FAM120B: variants seen among roughly 807,000 people sequenced by gnomAD.
FAM120B encodes constitutive coactivator of peroxisome proliferator-activated receptor gamma.
FAM120B carries 83 observed loss-of-function variants against 96.3 expected under a neutral mutation model. The ratio of observed to expected loss-of-function variants is 0.86; its 90% CI spans 0.72 to 1.03. FAM120B has a LOEUF of 1.03. Among genes scored for constraint, FAM120B ranks in the 50% least tolerant of loss-of-function variants. The pLI is 0.00. For synonymous variants in FAM120B, 407 were observed against 402.7 expected (o/e 1.01, Z -0.13); for missense variants, 1,027 against 1,121.2 (o/e 0.92, Z 1.20).
At chr6:170,381,510 A>T (rs1789899019) in intron 6 of FAM120B, among the ~76,000 whole-genome samples, 1 of 152,078 alleles carries the variant, frequency 6.6e-6, no homozygotes, top group African/African-American at 2.4e-5. Flanking sequence ...AAGAAGATAG[A>T]CCATTCCCCA....
chr6:170,341,610 A>G (rs1403596717), intron 4 of FAM120B, among the ~76,000 whole-genome samples: 1 of 152,072 alleles, frequency 6.6e-6, no homozygotes, highest in Non-Finnish European at 1.5e-5. Flanking sequence ...CTTGAAACCC[A>G]GGGCCCTGGT....
At chr6:170,343,041 T>C in intron 4 of FAM120B, among the ~76,000 whole-genome samples, 1 of 152,218 alleles carries the variant, frequency 6.6e-6, no homozygotes, top group East Asian at 1.9e-4. Context: ...AATTACTTAT[T>C]AACAATTCTC....
intron 4 of FAM120B, among the ~76,000 whole-genome samples, chr6:170,333,237 G>A (rs1487676730): frequency 6.6e-6 from 1 of 150,550 alleles, no homozygotes; most frequent in Admixed American, 6.6e-5. Context: ...GGGGCCTTTG[G>A]GAGGGAAAGA....
chr6:170,308,930 A>G (rs572577446), intron 1 of FAM120B, among the ~76,000 whole-genome samples: 12 of 152,358 alleles, frequency 7.9e-5, no homozygotes, highest in Admixed American at 2.6e-4. Flanking sequence ...TTAGTAACTC[A>G]GCATGTTGGA....
At chr6:170,291,109 C>T (rs1242045016), upstream of FAM120B, 4 of 495,582 alleles carry the variant, frequency 8.1e-6, no homozygotes, top group Non-Finnish European at 1.6e-5. Context: ...CTCCTCCCCG[C>T]CCCCACCCTT....
rs866872505 is a variant in FAM120B, at chr6:170,361,235, T to C, written c.2283+2917T>C. ...ATATATATATATATATATATATATA[T>C]ACACGTATATATATATATACGTGTA... On this transcript the variant is annotated intron_variant, in intron 6 of 10. Coordinates refer to ENST00000476287, the MANE Select transcript of FAM120B (RefSeq NM_032448.3). Among the ~76,000 whole-genome samples the C allele has an allele frequency of 1.9e-3, 169 of 90,014 alleles. 2 individuals are homozygous for C. Among genetic ancestry groups the C allele is most frequent in the Middle Eastern group, 5.7e-3 (1 of 174 alleles). The allele number at this position is 90,014 out of a possible 152,430, so 59.1% of individuals were successfully genotyped here.
chr6:170,379,033 T>A (rs1789749103), intron 6 of FAM120B, among the ~76,000 whole-genome samples: 1 of 152,184 alleles, frequency 6.6e-6, no homozygotes, highest in Non-Finnish European at 1.5e-5. Context: ...CTCTGGCGTT[T>A]ATGCTGAGGG....
At chr6:170,294,944 T>A (rs1362664883), upstream of FAM120B, among the ~76,000 whole-genome samples, 1 of 152,180 alleles carries the variant, frequency 6.6e-6, no homozygotes, top group Non-Finnish European at 1.5e-5. This position sits in a 1 kb window ranked among gnomAD's most constrained non-coding sequence, Gnocchi z 7.9. Context: ...GCAGCAAATC[T>A]GGTGTTGATC....
chr6:170,369,426 T>C (rs1296285102), intron 6 of FAM120B, among the ~76,000 whole-genome samples: 1 of 152,206 alleles, frequency 6.6e-6, no homozygotes, highest in Non-Finnish European at 1.5e-5. Context: ...TTGTAGTAGG[T>C]GTCTCCTGCT....
chr6:170,297,778 ATGT>A (rs1292027192), intron 1 of FAM120B: 1 of 152,162 alleles, frequency 6.6e-6, no homozygotes, highest in African/African-American at 2.4e-5. Context: ...GGCTCCCCAA[ATGT>A]TGTGCAAACA....
At chr6:170,388,110 G>T (rs1477827294) in intron 6 of FAM120B, among the ~76,000 whole-genome samples, 177 bp from the exon 7 acceptor site, 1 of 152,182 alleles carries the variant, frequency 6.6e-6, no homozygotes, top group Non-Finnish European at 1.5e-5. Context: ...TTGTTTCCAA[G>T]GCCTCTGTAA....
intron 3 of FAM120B, among the ~76,000 whole-genome samples, chr6:170,330,179 T>G (rs143151860): frequency 1.3e-5 from 2 of 152,350 alleles, no homozygotes; most frequent in Non-Finnish European, 2.9e-5. Flanking sequence ...ATTAACATGG[T>G]AAACTCTCTC....
In FAM120B at chr6:170,317,381, G is replaced by A; in HGVS notation, c.-10G>A. 1 of 1,595,646 alleles carries A rather than the reference G, an allele frequency of 6.3e-7. No individual in the cohort carries two copies. Among genetic ancestry groups the A allele is most frequent in the South Asian group, 1.1e-5 (1 of 90,056 alleles). ...ATCTTTCTTTCCAGATCCTTTCCCG[G>A]AGTTCAGTTATGGGTGTGAGAGGTT... On this transcript the variant is annotated 5_prime_UTR_variant, in exon 2 of 11. Coordinates refer to ENST00000476287, the MANE Select transcript of FAM120B (RefSeq NM_032448.3).
At chr6:170,386,330 C>CTTT (rs1308851898) in intron 6 of FAM120B, among the ~76,000 whole-genome samples, 105 of 152,138 alleles carry the variant, frequency 6.9e-4, no homozygotes, top group Non-Finnish European at 1.4e-3. Context: ...AACTGATAAA[C>CTTT]CTGTTACTAA....
chr6:170,325,902 A>G (rs552419839), intron 3 of FAM120B, among the ~76,000 whole-genome samples: 7 of 152,078 alleles, frequency 4.6e-5, no homozygotes, highest in Non-Finnish European at 7.4e-5. Flanking sequence ...GATTGGTGCA[A>G]AAATAATTGC....
At chr6:170,401,233 C>G (rs537967808) in intron 9 of FAM120B, among the ~76,000 whole-genome samples, 1 of 152,324 alleles carries the variant, frequency 6.6e-6, no homozygotes, top group East Asian at 1.9e-4. Context: ...CCCGGTCTTG[C>G]CAGAAGTCCA....
At chr6:170,304,404 G>C (rs545678637), upstream of FAM120B, among the ~76,000 whole-genome samples, 1 of 152,278 alleles carries the variant, frequency 6.6e-6, no homozygotes, top group South Asian at 2.1e-4. Context: ...ATGTGCCTTG[G>C]TGTTGGTCTT....
chr6:170,387,996 G>C (rs1270006808), intron 6 of FAM120B, among the ~76,000 whole-genome samples: 1 of 152,202 alleles, frequency 6.6e-6, no homozygotes, highest in African/African-American at 2.4e-5. Flanking sequence ...CACTGCCTCT[G>C]TATGTGGAGC....
chr6:170,305,785 A>G (rs1018735999), upstream of FAM120B, among the ~76,000 whole-genome samples: 1 of 152,238 alleles, frequency 6.6e-6, no homozygotes. Flanking sequence ...GCGGAACTGC[A>G]GCTAGAGGGG....
Sources: gnomAD v4.1 joint callset for allele counts (sites outside exome capture counted in the v4.1 genomes callset) on GRCh38, gnomAD v4.1.1 for gene constraint, Gnocchi (gnomAD v3.1) non-coding constraint, MANE v1.5 for transcripts, NCBI Gene and HGNC (gene_info 2026-07-23, HGNC 2026-07-21) for gene names.